RBL2: variants seen among roughly 807,000 people sequenced by gnomAD.
RBL2 encodes retinoblastoma-like protein 2.
RBL2 carries 56 observed loss-of-function variants against 126.0 expected under a neutral mutation model. The ratio of observed to expected loss-of-function variants is 0.44; its 90% CI spans 0.36 to 0.56. The LOEUF is 0.56. Among genes scored for constraint, RBL2 ranks in the 20% least tolerant of loss-of-function variants. RBL2 has a pLI of 0.00. For missense variants in RBL2, 1,229 were observed against 1,398.2 expected (o/e 0.88, Z 1.93); for synonymous variants, 454 against 478.5 (o/e 0.95, Z 0.67).
chr16:53,435,873 A>T (rs1042946441), intron 1 of RBL2: 22 of 939,028 alleles, frequency 2.3e-5, no homozygotes, highest in Middle Eastern at 4.4e-4. Context: ...TCTGCAGAAG[A>T]TAGTGTATGG....
intron 17 of RBL2, among the ~76,000 whole-genome samples, chr16:53,475,594 T>C (rs540209599): frequency 1.4e-4 from 22 of 152,248 alleles, no homozygotes; most frequent in Admixed American, 1.4e-3. Flanking sequence ...CTTTTTCTTT[T>C]AAAAACCAGC....
intron 8 of RBL2, among the ~76,000 whole-genome samples, chr16:53,458,512 A>G (rs1021871021): frequency 6.6e-6 from 1 of 152,252 alleles, no homozygotes; most frequent in Non-Finnish European, 1.5e-5. Context: ...AGGAAGACCA[A>G]TGAAGGCTGT....
At chr16:53,480,512 A>G in intron 19 of RBL2, 55 bp from the exon 20 acceptor site, 4 of 1,478,886 alleles carry the variant, frequency 2.7e-6, no homozygotes, top group Non-Finnish European at 3.7e-6. Flanking sequence ...TAAAAAATTA[A>G]AACAGTCAAT....
chr16:53,481,389 C>G, intron 20 of RBL2: 1 of 294,898 alleles, frequency 3.4e-6, no homozygotes, highest in South Asian at 5.0e-5. Context: ...ACCTCATTTC[C>G]TCATATATAA....
intron 3 of RBL2, 146 bp downstream of exon 3, chr16:53,443,004 T>C (rs2058030424): frequency 1.5e-6 from 1 of 646,276 alleles, no homozygotes; most frequent in African/African-American, 1.9e-5. Context: ...AATGATGCTT[T>C]TTTTGCTTTT....
chr16:53,485,244 A>G (rs917385118), intron 21 of RBL2, among the ~76,000 whole-genome samples: 1 of 152,254 alleles, frequency 6.6e-6, no homozygotes, highest in Non-Finnish European at 1.5e-5. Context: ...CAATGGCATT[A>G]AATCAGAAAT....
chr16:53,454,201 T>G, intron 7 of RBL2: 1 of 454,040 alleles, frequency 2.2e-6, no homozygotes, highest in South Asian at 1.6e-5. Flanking sequence ...TACTATCCAG[T>G]TTTTGTTTTG....
intron 1 of RBL2, chr16:53,435,627 G>T: frequency 7.8e-7 from 1 of 1,282,238 alleles, no homozygotes; most frequent in South Asian, 1.2e-5. Flanking sequence ...TTGTTTATCA[G>T]CTGTTTGACT....
chr16:53,483,866 A>C (rs548287129), intron 21 of RBL2, among the ~76,000 whole-genome samples: 2 of 152,138 alleles, frequency 1.3e-5, no homozygotes, highest in South Asian at 4.1e-4. Context: ...GACAAGAGCA[A>C]GACTCCGTCT....
At chr16:53,481,873 A>C (rs762286131) in intron 21 of RBL2, 38 bp downstream of exon 21, 2 of 1,532,560 alleles carry the variant, frequency 1.3e-6, no homozygotes, top group South Asian at 2.2e-5. Context: ...ACTAACCTCA[A>C]AATGCTTCAG....
chr16:53,482,000 G>T (rs1960972627), intron 21 of RBL2, among the ~76,000 whole-genome samples, 165 bp downstream of exon 21: 1 of 151,854 alleles, frequency 6.6e-6, no homozygotes, highest in Non-Finnish European at 1.5e-5. Context: ...TTTGTTTTTT[G>T]CCTTTTTTGA....
intron 2 of RBL2, among the ~76,000 whole-genome samples, chr16:53,440,175 A>G (rs972167369): frequency 2.6e-5 from 4 of 151,898 alleles, no homozygotes; most frequent in Non-Finnish European, 4.4e-5. Context: ...ATGCGCCTGT[A>G]ATCTTAGCTA....
intron 8 of RBL2, among the ~76,000 whole-genome samples, chr16:53,456,437 G>A (rs1567733468): frequency 6.6e-6 from 1 of 152,192 alleles, no homozygotes; most frequent in Non-Finnish European, 1.5e-5. Flanking sequence ...ATGGTGGCTT[G>A]CTTCAGAGAA....
chr16:53,480,543 C>T (rs1177886721), intron 19 of RBL2, 24 bp from the exon 20 acceptor site: 1 of 1,596,218 alleles, frequency 6.3e-7, no homozygotes, highest in Non-Finnish European at 8.5e-7. Context: ...TTTGTACTGA[C>T]AGCCTTTGTT....
chr16:53,490,055 T>C, intron 21 of RBL2, 75 bp from the exon 22 acceptor site: 5 of 1,182,002 alleles, frequency 4.2e-6, no homozygotes, highest in Non-Finnish European at 5.8e-6. Context: ...GCTTAACTCA[T>C]TTGAGATTCT....
intron 3 of RBL2, 28 bp downstream of exon 3, chr16:53,442,886 A>T (rs752140114): frequency 6.4e-7 from 1 of 1,558,538 alleles, no homozygotes; most frequent in African/African-American, 1.4e-5. Context: ...TTCATCAGGA[A>T]TACACGTTAG....
At chr16:53,453,326 T>C (rs978012891) in intron 5 of RBL2, 126 bp from the exon 6 acceptor site, 1 of 819,170 alleles carries the variant, frequency 1.2e-6, no homozygotes, top group South Asian at 2.7e-5. Context: ...GGCCCATATA[T>C]ACTGTTTCCT....
chr16:53,474,217 C>T (rs1032680340), intron 17 of RBL2, among the ~76,000 whole-genome samples: 4 of 152,180 alleles, frequency 2.6e-5, no homozygotes, highest in African/African-American at 9.7e-5. Flanking sequence ...TCTCGAACTC[C>T]TAAGCTCAAG....
chr16:53,488,957 C>T (rs1265244800), intron 21 of RBL2: 1 of 151,950 alleles, frequency 6.6e-6, no homozygotes, highest in African/African-American at 2.4e-5. Flanking sequence ...TGGCTCATGC[C>T]TGTTCCCAGC....
Sources: allele counts gnomAD v4.1 joint callset (sites outside exome capture counted in the v4.1 genomes callset), GRCh38; gene constraint gnomAD v4.1.1; transcripts MANE v1.5; gene names NCBI Gene and HGNC (gene_info 2026-07-23, HGNC 2026-07-21).